Variants in SGCZ observed in about 807,000 individuals in gnomAD.
The protein encoded by SGCZ is zeta-sarcoglycan.
SGCZ carries 40 observed loss-of-function variants against 41.3 expected under a neutral mutation model. The observed-to-expected ratio is 0.97, with a 90% CI of 0.75 to 1.26. SGCZ has a LOEUF of 1.26. Ranked by LOEUF, SGCZ falls within the 50% of genes most tolerant of loss-of-function variation. The pLI, the probability that SGCZ is intolerant of heterozygous loss-of-function variation, is 0.00. For synonymous variants in SGCZ, 206 were observed against 137.5 expected (o/e 1.50, Z -3.49); for missense variants, 552 against 369.8 (o/e 1.49, Z -4.04).
chr8:14,900,942 A>G (rs1373790757), intron 1 of SGCZ, among the ~76,000 whole-genome samples: 2 of 152,212 alleles, frequency 1.3e-5, no homozygotes, highest in Non-Finnish European at 2.9e-5. Flanking sequence ...AACCCTACCT[A>G]TAAAGTATTT....
chr8:14,161,915 C>T (rs967776995), intron 5 of SGCZ, among the ~76,000 whole-genome samples: 1 of 151,950 alleles, frequency 6.6e-6, no homozygotes, highest in African/African-American at 2.4e-5. Context: ...TTTACACACA[C>T]ATGGGATGGG....
intron 1 of SGCZ, among the ~76,000 whole-genome samples, chr8:14,751,889 G>A (rs573722083): frequency 4.1e-4 from 61 of 150,478 alleles, no homozygotes; most frequent in African/African-American, 4.4e-4. Context: ...CCAAAATCGC[G>A]CCACTGCACT....
chr8:15,216,502 G>A (rs2117172987), intron 1 of SGCZ, among the ~76,000 whole-genome samples: 2 of 152,132 alleles, frequency 1.3e-5, no homozygotes, highest in Middle Eastern at 3.4e-3. Flanking sequence ...TTACAGGCAT[G>A]AGCCACCGCA....
chr8:14,116,110 A>C (rs2117023223), intron 5 of SGCZ, among the ~76,000 whole-genome samples: 1 of 152,172 alleles, frequency 6.6e-6, no homozygotes, highest in South Asian at 2.1e-4. Flanking sequence ...AAATTGTCTA[A>C]AACAGATGGT....
chr8:14,866,024 AT>A (rs1370194938), intron 1 of SGCZ, among the ~76,000 whole-genome samples: 3 of 152,002 alleles, frequency 2.0e-5, no homozygotes, highest in Admixed American at 1.3e-4. Flanking sequence ...GTTAGTTTTG[AT>A]TTTTTTATAG....
chr8:14,827,583 C>A (rs978452110), intron 1 of SGCZ, among the ~76,000 whole-genome samples: 1 of 152,072 alleles, frequency 6.6e-6, no homozygotes, highest in African/African-American at 2.4e-5. Context: ...GAAGGAACTG[C>A]ACGGGTTGTG....
At chr8:14,880,233 C>T (rs1036178009) in intron 1 of SGCZ, among the ~76,000 whole-genome samples, 4 of 152,076 alleles carry the variant, frequency 2.6e-5, no homozygotes, top group South Asian at 2.1e-4. Flanking sequence ...CAGAGAAATG[C>T]AAATCAAAAC....
Position 14,227,576 on chromosome 8 carries a change from T to C in SGCZ, c.424+10016A>G, listed in dbSNP as rs142718458. On this transcript the variant is annotated intron_variant, in intron 4 of 7. Coordinates refer to ENST00000382080, the MANE Select transcript of SGCZ (RefSeq NM_139167.4). ...CTAGAAATAATATTGGAAACACAGGTTGCAAATGAATTCAGAACTGATTAA... is the reference window on the plus strand; with the variant it reads ...CTAGAAATAATATTGGAAACACAGGCTGCAAATGAATTCAGAACTGATTAA... Among the ~76,000 whole-genome samples the C allele has an allele frequency of 6.8e-3, 1,041 of 152,130 alleles. 16 individuals carry two copies. The highest frequency in any genetic ancestry group is 0.023 in the African/African-American group (951 of 41,502).
intron 5 of SGCZ, among the ~76,000 whole-genome samples, chr8:14,146,775 G>A (rs1803533779): frequency 6.9e-6 from 1 of 144,946 alleles, no homozygotes; most frequent in Non-Finnish European, 1.5e-5. Flanking sequence ...TGGAGGCTGA[G>A]GCAGGAGAAT....
chr8:14,944,394 T>A (rs1800374524), intron 1 of SGCZ, among the ~76,000 whole-genome samples: 1 of 152,202 alleles, frequency 6.6e-6, no homozygotes, highest in African/African-American at 2.4e-5. Context: ...CACAACATGA[T>A]CTTCCCTGTT....
chr8:14,625,029 T>A (rs1806407586), intron 1 of SGCZ, among the ~76,000 whole-genome samples: 1 of 152,164 alleles, frequency 6.6e-6, no homozygotes, highest in African/African-American at 2.4e-5. Context: ...TTTTTTAATA[T>A]TTAAAGGTAG....
chr8:14,571,721 T>A (rs577530453), intron 1 of SGCZ, among the ~76,000 whole-genome samples: 215 of 152,308 alleles, frequency 1.4e-3, no homozygotes, highest in African/African-American at 4.9e-3. Context: ...ATTAGTGACG[T>A]TTGTATATTA....
At chr8:15,159,474 G>C (rs753494035) in intron 1 of SGCZ, among the ~76,000 whole-genome samples, 4 of 152,114 alleles carry the variant, frequency 2.6e-5, no homozygotes, top group Non-Finnish European at 5.9e-5. Flanking sequence ...CAAAGCTGGG[G>C]AGCAGTCTTG....
chr8:14,590,257 G>T (rs934233041), intron 1 of SGCZ, among the ~76,000 whole-genome samples: 7 of 151,982 alleles, frequency 4.6e-5, no homozygotes, highest in Non-Finnish European at 1.0e-4. Context: ...AAATAATATG[G>T]TGTGGTAAGT....
intron 2 of SGCZ, among the ~76,000 whole-genome samples, chr8:14,388,302 T>C (rs774372939): frequency 9.2e-5 from 14 of 152,034 alleles, no homozygotes; most frequent in Non-Finnish European, 7.4e-5. Context: ...GAAATGAAGA[T>C]ATAGGTGCTG....
intron 1 of SGCZ, among the ~76,000 whole-genome samples, chr8:14,789,040 G>A (rs1899371): frequency 0.35 from 53,389 of 151,930 alleles, 11,455 homozygotes; most frequent in East Asian, 0.5. Context: ...TTTTGGACTC[G>A]TTAACATTGG....
At chr8:14,327,747 A>C (rs997796263) in intron 2 of SGCZ, among the ~76,000 whole-genome samples, 1 of 152,210 alleles carries the variant, frequency 6.6e-6, no homozygotes, top group Non-Finnish European at 1.5e-5. Context: ...TTTAAATTAG[A>C]TAAAACAGAA....
intron 1 of SGCZ, among the ~76,000 whole-genome samples, chr8:14,640,606 A>G (rs1011175450): frequency 1.5e-5 from 2 of 136,518 alleles, no homozygotes. Flanking sequence ...AAAACACCAC[A>G]CATATATATA....
intron 4 of SGCZ, among the ~76,000 whole-genome samples, chr8:14,225,530 C>A (rs1482733981): frequency 1.3e-5 from 2 of 151,936 alleles, no homozygotes. Context: ...CAGGTGTAAT[C>A]ATAGCCAAAA....
Sources: allele counts gnomAD v4.1 joint callset (sites outside exome capture counted in the v4.1 genomes callset), GRCh38; gene constraint gnomAD v4.1.1; transcripts MANE v1.5; gene names NCBI Gene and HGNC (gene_info 2026-07-23, HGNC 2026-07-21).